Variants in ARMH1 observed in about 807,000 individuals in gnomAD.
The protein encoded by ARMH1 is armadillo like helical domain containing 1, also known as armadillo-like helical domain containing protein 1.
A neutral mutation model predicts 50.2 loss-of-function variants in ARMH1; 34 were observed. The ratio of observed to expected loss-of-function variants is 0.68; its 90% CI spans 0.51 to 0.90. The LOEUF (loss-of-function observed/expected upper bound fraction) is 0.90. Among genes scored for constraint, ARMH1 ranks in the 40% least tolerant of loss-of-function variants. ARMH1 has a pLI of 0.00. For synonymous variants in ARMH1, 221 were observed against 224.2 expected (o/e 0.99, Z 0.13); for missense variants, 538 against 553.9 (o/e 0.97, Z 0.29).
chr1:44,692,340 G>A (rs192994416), intron 2 of ARMH1, among the ~76,000 whole-genome samples: 1 of 152,192 alleles, frequency 6.6e-6, no homozygotes, highest in Admixed American at 6.5e-5. Flanking sequence ...TTCTCAGGAA[G>A]CCCATTTCTG....
At chr1:44,714,585 C>CAA (rs547949743) in intron 6 of ARMH1, among the ~76,000 whole-genome samples, 8 of 83,620 alleles carry the variant, frequency 9.6e-5, no homozygotes, top group Non-Finnish European at 1.3e-4. Flanking sequence ...AACTCCGTCT[C>CAA]AAAAAAAAAA....
intron 6 of ARMH1, chr1:44,721,749 C>CCCCA (rs1491365069): frequency 1.3e-5 from 2 of 152,284 alleles, no homozygotes; most frequent in Admixed American, 6.5e-5. Context: ...GCATGAAACA[C>CCCCA]CCCACCCACA....
chr1:44,721,802 G>C (rs60022108), intron 6 of ARMH1: 2 of 151,274 alleles, frequency 1.3e-5, no homozygotes, highest in African/African-American at 2.5e-5. Context: ...GCCTAGGCAA[G>C]ACTTCAAAAA....
chr1:44,691,235 G>T (rs1213253932), intron 2 of ARMH1, among the ~76,000 whole-genome samples: 1 of 151,946 alleles, frequency 6.6e-6, no homozygotes, highest in Non-Finnish European at 1.5e-5. Context: ...TCCAGCCTGG[G>T]CCACAGAGAC....
chr1:44,725,367 C>G lies in ARMH1; in HGVS notation c.1287C>G (p.Leu429=), dbSNP rs758534732. The change falls in exon 12 of 12, where the codon CTC becomes CTG. Residue 429 remains leucine (L), a synonymous_variant. Transcript: ENST00000535358. ...GSRDSAQMAY[L]THFEEDVESK... ...GCGATTCGGCTCAGATGGCCTACCTCACACACTTCGAGGAGGATGTAGAAT... is the reference window on the plus strand; with the variant it reads ...GCGATTCGGCTCAGATGGCCTACCTGACACACTTCGAGGAGGATGTAGAAT... 2 of 1,551,782 alleles carry G rather than the reference C, an allele frequency of 1.3e-6. No individual in the cohort carries two copies. The highest frequency in any genetic ancestry group is 2.4e-5 in the South Asian group (2 of 84,064).
intron 1 of ARMH1, among the ~76,000 whole-genome samples, chr1:44,676,114 A>G (rs142074170): frequency 2.0e-5 from 3 of 152,302 alleles, no homozygotes; most frequent in Non-Finnish European, 4.4e-5. Context: ...TTCCTTAGAC[A>G]CTTATAGCTA....
chr1:44,700,634 A>G (rs1018523765), intron 4 of ARMH1, among the ~76,000 whole-genome samples: 9 of 150,366 alleles, frequency 6.0e-5, no homozygotes, highest in Admixed American at 2.6e-4. Context: ...AAAAAAAAAA[A>G]GAGTTATCAT....
Position 44,724,451 on chromosome 1 carries a change from G to GC in ARMH1, c.920+63dup, listed in dbSNP as rs374549433. 2.8e-4 allele frequency: 431 copies of GC among 1,529,984 alleles called. 3 individuals carry two copies. The African/African-American group carries it at 5.3e-3, about 19-fold the overall frequency. The allele number at this position is 1,529,984 out of a possible 1,614,324, so 94.8% of individuals were successfully genotyped here. ...AAGCCTGGCTTGGCGCTGCCGGCGGGCCCCGGGAGCGCTCCGTGCGCCGGG... is the reference window on the plus strand; with the variant it reads ...AAGCCTGGCTTGGCGCTGCCGGCGGGCCCCCGGGAGCGCTCCGTGCGCCGGG... On this transcript the variant is annotated intron_variant, in intron 8 of 11. Coordinates refer to ENST00000535358, the MANE Select transcript of ARMH1 (RefSeq NM_001145636.2). The surrounding 1 kb of genome is among the most constrained non-coding windows in gnomAD (Gnocchi z 6.4).
intron 6 of ARMH1, among the ~76,000 whole-genome samples, chr1:44,718,301 G>C (rs1391764048): frequency 1.3e-5 from 2 of 152,208 alleles, no homozygotes; most frequent in Non-Finnish European, 2.9e-5. Context: ...CTACTAATGA[G>C]GGACGTGCTG....
At chr1:44,689,607 C>G in intron 1 of ARMH1, 69 bp from the exon 2 acceptor site, 1 of 1,240,166 alleles carries the variant, frequency 8.1e-7, no homozygotes, top group South Asian at 1.3e-5. Flanking sequence ...CAGTTGATTG[C>G]TAGAAAAATA....
In ARMH1 at chr1:44,724,969, A is replaced by G. The variant is rs1034019480; in HGVS notation, c.1128+130A>G. ...GACCTGGCCACCAGCTGCAGGAGGG[A>G]CTGCTCTGGCGTAGGCTCCTCCACC... On this transcript the variant is annotated intron_variant, in intron 10 of 11. Transcript: ENST00000535358. This position sits in a 1 kb window ranked among gnomAD's most constrained non-coding sequence, Gnocchi z 6.4. 3.6e-5 allele frequency: 54 copies of G among 1,498,146 alleles called. No homozygotes were observed. Among genetic ancestry groups the G allele is most frequent in the Non-Finnish European group, 4.5e-5 (50 of 1,120,934 alleles). 92.8% of individuals were successfully genotyped at this position (1,498,146 alleles called of 1,614,324 possible). A position where few individuals can be genotyped will look rare whatever the true frequency, so the allele number is the denominator to read the frequency against.
At chr1:44,693,133 G>A (rs1254320566) in intron 2 of ARMH1, 1 of 152,196 alleles carries the variant, frequency 6.6e-6, no homozygotes, top group Non-Finnish European at 1.5e-5. Context: ...TGCTTTAGTA[G>A]ATTGAGGGTG....
intron 2 of ARMH1, among the ~76,000 whole-genome samples, chr1:44,690,493 A>C (rs1397335592): frequency 1.6e-4 from 24 of 152,158 alleles, no homozygotes; most frequent in Non-Finnish European, 1.5e-5. Context: ...TTTGTACTGC[A>C]CTTGAACCCT....
chr1:44,707,485 C>T lies in ARMH1; in HGVS notation c.724+3312C>T, dbSNP rs754024273. ...CACCCTGTTGCCCAGGCTGGAGCAC[C>T]GTAGCACAGTCATGGCTCACTCCAG... is the stretch of plus-strand genomic sequence containing the variant. On this transcript the variant is annotated intron_variant, in intron 6 of 11. Coordinates refer to ENST00000535358, the MANE Select transcript of ARMH1 (RefSeq NM_001145636.2). 3.6e-4 allele frequency among the ~76,000 whole-genome samples: 55 copies of T among 152,184 alleles called. 1 individual carries two copies. The highest frequency in any genetic ancestry group is 6.2e-4 in the South Asian group (3 of 4,824).
intron 1 of ARMH1, among the ~76,000 whole-genome samples, chr1:44,679,899 C>A (rs1242397103): frequency 6.6e-6 from 1 of 152,218 alleles, no homozygotes; most frequent in East Asian, 1.9e-4. Flanking sequence ...ACAGGGAAGA[C>A]CAACCCCTGC....
chr1:44,699,064 C>T lies in ARMH1; in HGVS notation c.442+835C>T, dbSNP rs1018967640. On this transcript the variant is annotated intron_variant, in intron 4 of 11. Transcript: ENST00000535358. ...TTGGGAGGCAGAGGCAGTCGGATCA[C>T]GAGGTCAGGAGATCAAGACCATCCT... Among the ~76,000 whole-genome samples the T allele has an allele frequency of 4.6e-5, 7 of 151,976 alleles. No homozygotes were observed. The South Asian group carries it at 1.5e-3, about 32-fold the overall frequency.
rs1557533461 is a variant in ARMH1 at position 44,699,038 on chromosome 1, T to C, written c.442+809T>C. ...TGGCTCACGCCTGTAATCCCAGCAC[T>C]TTGGGAGGCAGAGGCAGTCGGATCA... On this transcript the variant is annotated intron_variant, in intron 4 of 11. Transcript: ENST00000535358. Among the ~76,000 whole-genome samples, 5 of 151,806 alleles carry C rather than the reference T, an allele frequency of 3.3e-5. No homozygotes were observed. The South Asian group carries it at 1.0e-3, about 32-fold the overall frequency.
intron 1 of ARMH1, among the ~76,000 whole-genome samples, chr1:44,678,524 A>C (rs1005085743): frequency 6.6e-6 from 1 of 152,118 alleles, no homozygotes; most frequent in South Asian, 2.1e-4. Context: ...ATTGGAGTGC[A>C]TATGCCCCTG....
chr1:44,721,511 T>C (rs933112147), intron 6 of ARMH1, among the ~76,000 whole-genome samples: 18 of 149,784 alleles, frequency 1.2e-4, no homozygotes, highest in African/African-American at 4.4e-4. Flanking sequence ...TAGGTTTTCT[T>C]TTAAAAAAAA....
Sources: gnomAD v4.1 joint callset for allele counts (sites outside exome capture counted in the v4.1 genomes callset) on GRCh38, gnomAD v4.1.1 for gene constraint, Gnocchi (gnomAD v3.1) non-coding constraint, MANE v1.5 for transcripts, NCBI Gene and HGNC (gene_info 2026-07-23, HGNC 2026-07-21) for gene names.